The following WBP4 variants were observed in gnomAD, a reference collection of about 807,000 sequenced individuals.
The protein encoded by WBP4 is WW domain binding protein 4, also known as WW domain-binding protein 4.
Under a neutral mutation model 55.4 loss-of-function variants are expected in WBP4, and 37 were observed. That is an observed-to-expected ratio of 0.67 (90% CI 0.51 to 0.88). The LOEUF (loss-of-function observed/expected upper bound fraction) is 0.88, where lower values mean the gene tolerates loss of function less well. Ranked by LOEUF, WBP4 falls within the 40% of genes least tolerant of loss-of-function variation. The probability of loss-of-function intolerance (pLI) is 0.00; values close to 1 mark genes in which losing one functional copy is unlikely to be tolerated. For missense variants in WBP4, 398 were observed against 420.8 expected, an observed-to-expected ratio of 0.95 and a Z score of 0.47; for synonymous variants, 142 against 140.2, an observed-to-expected ratio of 1.01 and a Z score of -0.09.
At chr13:41,074,999 A>G (rs1373243395) in intron 7 of WBP4, among the ~76,000 whole-genome samples, 3 of 152,184 alleles carry the variant, frequency 2.0e-5, no homozygotes, top group Non-Finnish European at 4.4e-5. Context: ...TGAAAGTTCT[A>G]TTGTTAACTT....
At chr13:41,062,408 G>A (rs528276445) in intron 1 of WBP4, among the ~76,000 whole-genome samples, 1 of 152,156 alleles carries the variant, frequency 6.6e-6, no homozygotes, top group Non-Finnish European at 1.5e-5. Flanking sequence ...ATTTTTGAAA[G>A]CCATTTTATT....
At chr13:41,080,361 C>A (rs142645322) in intron 8 of WBP4, among the ~76,000 whole-genome samples, 96 of 152,144 alleles carry the variant, frequency 6.3e-4, no homozygotes, top group Non-Finnish European at 1.1e-3. Flanking sequence ...AGCAAGAAAG[C>A]AGAAGAGAGA....
chr13:41,080,072 G>T (rs1364860491), intron 8 of WBP4, among the ~76,000 whole-genome samples: 1 of 149,286 alleles, frequency 6.7e-6, no homozygotes, highest in African/African-American at 2.5e-5. Context: ...AGGTGGGAGG[G>T]TGGGAGGGAG....
intron 4 of WBP4, among the ~76,000 whole-genome samples, chr13:41,066,881 C>T (rs1750174085): frequency 6.6e-6 from 1 of 152,198 alleles, no homozygotes; most frequent in South Asian, 2.1e-4. Context: ...GCTAATACCA[C>T]ATTGTCTCCA....
intron 1 of WBP4, 33 bp downstream of exon 1, chr13:41,061,708 T>C: frequency 6.2e-7 from 1 of 1,613,246 alleles, no homozygotes; most frequent in East Asian, 2.2e-5. Context: ...AACAACGAGG[T>C]GTTGTTTCTC....
chr13:41,062,257 G>A (rs1454283753), intron 1 of WBP4: 1 of 985,080 alleles, frequency 1.0e-6, no homozygotes, highest in African/African-American at 1.7e-5. Flanking sequence ...TGTTCTCTTG[G>A]TGGGAATAAC....
chr13:41,067,886 A>G (rs1203892252), intron 4 of WBP4, among the ~76,000 whole-genome samples: 1 of 151,950 alleles, frequency 6.6e-6, no homozygotes, highest in East Asian at 1.9e-4. Context: ...CAAATTTAAC[A>G]TTATTTTACT....
intron 5 of WBP4, among the ~76,000 whole-genome samples, chr13:41,068,994 A>G (rs180746059): frequency 8.9e-4 from 135 of 152,320 alleles, no homozygotes; most frequent in African/African-American, 3.1e-3. Flanking sequence ...TATTTTCTCA[A>G]TAGAAACTTC....
chr13:41,072,597 C>G (rs1878296108), intron 6 of WBP4, among the ~76,000 whole-genome samples, 185 bp from the exon 7 acceptor site: 1 of 152,244 alleles, frequency 6.6e-6, no homozygotes, highest in African/African-American at 2.4e-5. Context: ...GATGCAGTCA[C>G]CTCCCACAAG....
rs760711841 is a variant in WBP4, at chr13:41,072,868, C to T, written c.562+11C>T. 1 of 1,599,812 alleles carries T rather than the reference C, an allele frequency of 6.3e-7. No homozygotes were observed. The highest frequency in any genetic ancestry group is 1.1e-5 in the South Asian group (1 of 90,182). ...ATACAGAAACAGGAGGTAAGTATTA[C>T]CTTTGATTATCTTAACTGTTTAAAA... On this transcript the variant is annotated intron_variant, in intron 7 of 9. Transcript: ENST00000379487.
rs564343552 is a variant in WBP4, at chr13:41,079,536, C to T, written c.757-1110C>T. Among the ~76,000 whole-genome samples, 156 of 111,312 alleles carry T rather than the reference C, an allele frequency of 1.4e-3. No individual in the cohort carries two copies. The East Asian group carries it at 0.024, about 17-fold the overall frequency. The allele number at this position is 111,312 out of a possible 152,430, so 73.0% of individuals were successfully genotyped here. A position where few individuals can be genotyped will look rare whatever the true frequency, so the allele number is the denominator to read the frequency against. On this transcript the variant is annotated intron_variant, in intron 8 of 9. Coordinates refer to ENST00000379487, the MANE Select transcript of WBP4 (RefSeq NM_007187.5). ...CAGCCTGGGTGACAGAGCAAGACTC[C>T]GTCTCAAAAAAAAAAAAAAAAAAAA...
Position 41,068,649 on chromosome 13 carries a change from GA to G in WBP4, c.355del (p.Arg119GlufsTer11). 6.2e-7 allele frequency: 1 copy of G among 1,612,836 alleles called. No homozygotes were observed. The highest frequency in any genetic ancestry group is 8.5e-7 in the Non-Finnish European group (1 of 1,179,544). On this transcript the variant is annotated frameshift_variant, in exon 5 of 10. Transcript: ENST00000379487. LOFTEE classifies it high-confidence loss of function. ...AACAGAAAGAAAAGAAAGAAAAGAA[GA>G]AAAGAAAAAAAGATCCTTCAAAGGG... ...NQQKEKKEKK[K>X]RKKDPSKGRW...
At chr13:41,063,183 CAAAGT>C (rs968415295) in intron 2 of WBP4, among the ~76,000 whole-genome samples, 2 of 152,098 alleles carry the variant, frequency 1.3e-5, no homozygotes, top group African/African-American at 4.8e-5. Context: ...TCTCATGAAA[CAAAGT>C]AACAACTCTG....
chr13:41,062,016 AC>A (rs1415367523), intron 1 of WBP4: 13 of 968,334 alleles, frequency 1.3e-5, no homozygotes, highest in Non-Finnish European at 1.6e-5. Flanking sequence ...AAGCCCCTGA[AC>A]CCTAGGGTAT....
At chr13:41,063,598 T>C (rs995734646) in intron 2 of WBP4, among the ~76,000 whole-genome samples, 6 of 152,146 alleles carry the variant, frequency 3.9e-5, no homozygotes, top group African/African-American at 1.4e-4. Flanking sequence ...AAGTCTCTCT[T>C]TCTTGGAGGT....
intron 5 of WBP4, among the ~76,000 whole-genome samples, chr13:41,071,101 A>G (rs1255795424): frequency 1.3e-5 from 2 of 152,090 alleles, no homozygotes; most frequent in African/African-American, 2.4e-5. Context: ...TCAGCATCCT[A>G]CTTTATATAC....
intron 1 of WBP4, 148 bp downstream of exon 1, chr13:41,061,823 G>T (rs1593421961): frequency 1.5e-6 from 2 of 1,345,014 alleles, no homozygotes; most frequent in East Asian, 2.4e-5. Context: ...CCCCAGACCT[G>T]CAGGGCCGGT....
intron 8 of WBP4, 137 bp from the exon 9 acceptor site, chr13:41,080,509 T>G: frequency 1.5e-6 from 1 of 654,402 alleles, no homozygotes; most frequent in Non-Finnish European, 2.5e-6. Context: ...CTATGTATAT[T>G]TATTGTGTTA....
intron 4 of WBP4, among the ~76,000 whole-genome samples, chr13:41,066,673 C>T (rs1214046305): frequency 6.6e-6 from 1 of 152,068 alleles, no homozygotes; most frequent in Non-Finnish European, 1.5e-5. Context: ...TAAATGGTAG[C>T]CACTGTTATT....
Sources: gnomAD v4.1 joint callset for allele counts (sites outside exome capture counted in the v4.1 genomes callset) on GRCh38, gnomAD v4.1.1 for gene constraint, MANE v1.5 for transcripts, NCBI Gene and HGNC (gene_info 2026-07-23, HGNC 2026-07-21) for gene names.